PPARGC1B: variants seen among roughly 807,000 people sequenced by gnomAD.
PPARGC1B encodes the protein PPARG coactivator 1 beta, also known as peroxisome proliferator-activated receptor gamma coactivator 1-beta.
A neutral mutation model predicts 101.6 loss-of-function variants in PPARGC1B; 34 were observed. That is an observed-to-expected ratio of 0.33 (90% CI 0.25 to 0.45). The LOEUF (loss-of-function observed/expected upper bound fraction) is 0.45, where lower values mean the gene tolerates loss of function less well. Ranked by LOEUF, PPARGC1B falls within the 20% of genes least tolerant of loss-of-function variation. The pLI is 1.00. For synonymous variants in PPARGC1B, 548 were observed against 539.3 expected, an observed-to-expected ratio of 1.02 and a Z score of -0.22; for missense variants, 1,234 against 1,317.6, an observed-to-expected ratio of 0.94 and a Z score of 0.98.
rs1055822496 is a variant in PPARGC1B, at chr5:149,853,595, G to C, written c.*6037G>C. 2.0e-4 allele frequency: 30 copies of C among 152,330 alleles called. No homozygotes were observed. Among genetic ancestry groups the C allele is most frequent in the African/African-American group, 7.2e-4 (30 of 41,572 alleles). The allele number at this position is 152,330 out of a possible 1,614,324, so 9.4% of individuals were successfully genotyped here. A position where few individuals can be genotyped will look rare whatever the true frequency, so the allele number is the denominator to read the frequency against. ...GTTGGGTGTAAGGATTTTGTGGGGG[G>C]CCTGGCCATGATCTTTGATATGATC... is the stretch of plus-strand genomic sequence containing the variant. On this transcript the variant is annotated 3_prime_UTR_variant, in exon 12 of 12. Transcript: ENST00000309241. This position sits in a 1 kb window ranked among gnomAD's most constrained non-coding sequence, Gnocchi z 4.2.
intron 1 of PPARGC1B, among the ~76,000 whole-genome samples, chr5:149,761,183 AGAT>A (rs1388291479): frequency 2.6e-5 from 4 of 152,236 alleles, no homozygotes; most frequent in Non-Finnish European, 2.9e-5. Flanking sequence ...TACTGTGAAA[AGAT>A]GACCACAATC....
chr5:149,738,878 A>T (rs1384238307), intron 1 of PPARGC1B, among the ~76,000 whole-genome samples: 2 of 152,206 alleles, frequency 1.3e-5, no homozygotes, highest in African/African-American at 4.8e-5. Flanking sequence ...TGCAGGCATG[A>T]ACCACCGCGT....
chr5:149,753,222 G>A (rs986876997), intron 1 of PPARGC1B, among the ~76,000 whole-genome samples: 1 of 151,850 alleles, frequency 6.6e-6, no homozygotes, highest in Non-Finnish European at 1.5e-5. Flanking sequence ...ATTTTATTTC[G>A]TTGAGACAGA....
chr5:149,747,101 G>C (rs577421748), intron 1 of PPARGC1B, among the ~76,000 whole-genome samples: 3 of 152,048 alleles, frequency 2.0e-5, no homozygotes, highest in African/African-American at 7.2e-5. Context: ...TAATTTTCAC[G>C]TAGTCTAATT....
rs1754643143 is a variant in PPARGC1B, at chr5:149,734,903, T to C, written c.78+4483T>C. On this transcript the variant is annotated intron_variant, in intron 1 of 11. Transcript: ENST00000309241. ...ACTTGTGGTTCTGTGTTTCTGAACT[T>C]GGCCCATTTTGCAATTGGTATCTTG... 1.3e-5 allele frequency among the ~76,000 whole-genome samples: 2 copies of C among 152,208 alleles called. 1 individual carries two copies. The highest frequency in any genetic ancestry group is 4.1e-4 in the South Asian group (2 of 4,830).
At position 149,849,637 on chromosome 5, in the gene PPARGC1B, G is replaced by A. The variant is rs1293443346; in HGVS notation, c.*2079G>A. 1.3e-5 allele frequency: 2 copies of A among 152,192 alleles called. No homozygotes were observed. The highest frequency in any genetic ancestry group is 3.9e-4 in the East Asian group (2 of 5,188). The allele number at this position is 152,192 out of a possible 1,614,324, so 9.4% of individuals were successfully genotyped here. A position where few individuals can be genotyped will look rare whatever the true frequency, so the allele number is the denominator to read the frequency against. On this transcript the variant is annotated 3_prime_UTR_variant, in exon 12 of 12. Transcript: ENST00000309241. Reference sequence around the variant, plus strand: ...TATTTGACATCTTGGGCTAATCTTTGGAAGGTTTCCAACAATCACACAAAA... The same window carrying A: ...TATTTGACATCTTGGGCTAATCTTTAGAAGGTTTCCAACAATCACACAAAA...
intron 1 of PPARGC1B, among the ~76,000 whole-genome samples, chr5:149,751,616 G>T (rs1438604229): frequency 6.6e-6 from 1 of 151,842 alleles, no homozygotes; most frequent in African/African-American, 2.4e-5. Flanking sequence ...TGAGGCAGGA[G>T]AATTGCCTGA....
At chr5:149,780,061 G>C (rs1458751602) in intron 1 of PPARGC1B, among the ~76,000 whole-genome samples, 2 of 152,206 alleles carry the variant, frequency 1.3e-5, no homozygotes, top group Non-Finnish European at 2.9e-5. Context: ...TCCACCTAGG[G>C]GAGTGTAAGG....
intron 2 of PPARGC1B, among the ~76,000 whole-genome samples, chr5:149,822,764 T>G (rs1023916169): frequency 6.6e-6 from 1 of 152,240 alleles, no homozygotes; most frequent in Non-Finnish European, 1.5e-5. Context: ...TATTCATCTC[T>G]GGGGGCCCTT....
chr5:149,802,534 GC>G (rs991528259), intron 1 of PPARGC1B, among the ~76,000 whole-genome samples: 21 of 151,668 alleles, frequency 1.4e-4, no homozygotes, highest in African/African-American at 3.9e-4. Flanking sequence ...GGAGGCAGAA[GC>G]CTCCTTCCTT....
chr5:149,773,849 G>A (rs1032186096), intron 1 of PPARGC1B, among the ~76,000 whole-genome samples: 7 of 152,196 alleles, frequency 4.6e-5, no homozygotes, highest in Admixed American at 1.3e-4. Context: ...GCTGCCCAGC[G>A]TGTTGGTGAC....
In PPARGC1B at chr5:149,839,278, T is replaced by C. The variant is rs528636306; in HGVS notation, c.2619-763T>C. Among the ~76,000 whole-genome samples the C allele has an allele frequency of 2.0e-5, 3 of 152,364 alleles. No homozygotes were observed. In the South Asian group the frequency reaches 6.2e-4, roughly 32 times the overall value. On this transcript the variant is annotated intron_variant, in intron 8 of 11. Transcript: ENST00000309241. ...GAAGAACTGAAGTTGAGAGGGCTTC[T>C]GTAACTGGCCCAAGGTCACCCAACA...
At chr5:149,758,894 T>C (rs1187590578) in intron 1 of PPARGC1B, among the ~76,000 whole-genome samples, 1 of 152,242 alleles carries the variant, frequency 6.6e-6, no homozygotes, top group Non-Finnish European at 1.5e-5. Context: ...TAACGGTGGT[T>C]CATATAATCA....
chr5:149,762,215 C>A (rs1383670985), intron 1 of PPARGC1B, among the ~76,000 whole-genome samples: 2 of 148,098 alleles, frequency 1.4e-5, no homozygotes, highest in Non-Finnish European at 3.0e-5. Context: ...GGGGTGCAAT[C>A]TCGGCTCACT....
chr5:149,734,908 C>T (rs1580992770), intron 1 of PPARGC1B, among the ~76,000 whole-genome samples: 1 of 152,284 alleles, frequency 6.6e-6, no homozygotes, highest in Non-Finnish European at 1.5e-5. Context: ...GAACTTGGCC[C>T]ATTTTGCAAT....
At chr5:149,795,239 A>G (rs1005021848) in intron 1 of PPARGC1B, among the ~76,000 whole-genome samples, 1 of 152,144 alleles carries the variant, frequency 6.6e-6, no homozygotes, top group Non-Finnish European at 1.5e-5. Context: ...CTGAGTTCCA[A>G]TCTCTGGACA....
chr5:149,786,202 C>T (rs1756802735), intron 1 of PPARGC1B, among the ~76,000 whole-genome samples: 6 of 152,160 alleles, frequency 3.9e-5, no homozygotes, highest in Admixed American at 3.3e-4. Context: ...AAGCAATTCT[C>T]CTGCCTCAGC....
intron 1 of PPARGC1B, among the ~76,000 whole-genome samples, chr5:149,799,262 C>A (rs1038231066): frequency 4.6e-5 from 7 of 152,158 alleles, no homozygotes; most frequent in African/African-American, 7.2e-5. Context: ...TGTCTGCTGG[C>A]ATAAGTGGTG....
In PPARGC1B at chr5:149,836,876, GGAGGAA is replaced by G; in HGVS notation, c.2430_2435del (p.Glu811_Glu812del). The G allele has an allele frequency of 6.2e-7, 1 of 1,613,142 alleles. No individual in the cohort carries two copies. The highest frequency in any genetic ancestry group is 1.3e-5 in the African/African-American group (1 of 75,060). On this transcript the variant is annotated inframe_deletion, in exon 8 of 12. Coordinates refer to ENST00000309241, the MANE Select transcript of PPARGC1B (RefSeq NM_133263.4). Reference sequence around the variant, plus strand: ...GCGGCGAGAGCAGCTTCCTCCCAGAGGAGGAAGAGGAAGAAGGGGAGGAGGAGGAGG... The same window carrying G: ...GCGGCGAGAGCAGCTTCCTCCCAGAGGAGGAAGAAGGGGAGGAGGAGGAGG...
Sources: gnomAD v4.1 joint callset for allele counts (sites outside exome capture counted in the v4.1 genomes callset) on GRCh38, gnomAD v4.1.1 for gene constraint, Gnocchi (gnomAD v3.1) non-coding constraint, MANE v1.5 for transcripts, NCBI Gene and HGNC (gene_info 2026-07-23, HGNC 2026-07-21) for gene names.